Variants in ATP8B4 observed in about 807,000 individuals in gnomAD.
ATP8B4 encodes the protein ATPase phospholipid transporting 8B4 (putative).
A neutral mutation model predicts 145.6 loss-of-function variants in ATP8B4; 133 were observed. That is an observed-to-expected ratio of 0.91 (90% CI 0.79 to 1.05). The LOEUF is 1.05. Ranked by LOEUF, ATP8B4 falls within the 50% of genes least tolerant of loss-of-function variation. The pLI is 0.00. For synonymous variants in ATP8B4, 507 were observed against 492.9 expected, an observed-to-expected ratio of 1.03 and a Z score of -0.38; for missense variants, 1,458 against 1,425.2, an observed-to-expected ratio of 1.02 and a Z score of -0.37.
intron 3 of ATP8B4, among the ~76,000 whole-genome samples, chr15:50,059,005 C>T (rs2153620783): frequency 6.6e-6 from 1 of 152,060 alleles, no homozygotes. Flanking sequence ...TAAAACACAT[C>T]AATAATAATT....
chr15:50,133,307 A>T (rs963793099), intron 1 of ATP8B4, among the ~76,000 whole-genome samples: 1 of 152,170 alleles, frequency 6.6e-6, no homozygotes, highest in Admixed American at 6.5e-5. Flanking sequence ...CACTGGGCAT[A>T]GTGGCCGACA....
At chr15:49,958,749 AT>A in intron 14 of ATP8B4, among the ~76,000 whole-genome samples, 1 of 151,968 alleles carries the variant, frequency 6.6e-6, no homozygotes, top group East Asian at 1.9e-4. Context: ...TTCTAAAAAA[AT>A]ATAATTTTCC....
Position 50,047,352 on chromosome 15 carries a change from T to G in ATP8B4, c.200A>C (p.Gln67Pro), listed in dbSNP as rs1202093066. 1 of 1,529,150 alleles carries G rather than the reference T, an allele frequency of 6.5e-7. No individual in the cohort carries two copies. The highest frequency in any genetic ancestry group is 1.1e-5 in the South Asian group (1 of 89,018). The allele number at this position is 1,529,150 out of a possible 1,614,324, so 94.7% of individuals were successfully genotyped here. Residue 67 changes from glutamine (Q) to proline (P), a missense_variant and splice_region_variant, in exon 4 of 28, where the codon CAG becomes CCG. Physicochemically the swap from Gln to Pro is moderately conservative, Grantham distance 76. Transcript: ENST00000284509. Reference sequence around the variant, plus strand: ...AGAGAAATACAACCTAAATATTACCTGTAAAATCAGAAGGCAAAGAAAATA... The same window carrying G: ...AGAGAAATACAACCTAAATATTACCGGTAAAATCAGAAGGCAAAGAAAATA... ...NAYFLCLLIL[Q>P]LIPEISSLTW... is the part of the protein sequence containing the mutation.
chr15:49,979,446 A>G (rs879473713), intron 12 of ATP8B4, among the ~76,000 whole-genome samples, 171 bp downstream of exon 12: 3 of 152,228 alleles, frequency 2.0e-5, no homozygotes, highest in East Asian at 1.9e-4. Context: ...ATTTGAAAAC[A>G]TAAAAGTTAA....
chr15:49,872,288 C>T (rs1444459469), intron 25 of ATP8B4, among the ~76,000 whole-genome samples: 1 of 152,098 alleles, frequency 6.6e-6, no homozygotes, highest in South Asian at 2.1e-4. Context: ...ACCTTTGGGG[C>T]CCCTATTATA....
intron 16 of ATP8B4, among the ~76,000 whole-genome samples, chr15:49,929,082 G>C (rs890428435): frequency 6.6e-6 from 1 of 152,094 alleles, no homozygotes; most frequent in Non-Finnish European, 1.5e-5. Context: ...AGCCCTCCTG[G>C]TGACGCTGAT....
chr15:50,056,691 A>T (rs2153617546), intron 3 of ATP8B4, among the ~76,000 whole-genome samples: 1 of 145,550 alleles, frequency 6.9e-6, no homozygotes, highest in African/African-American at 2.7e-5. Flanking sequence ...ATATATGTAT[A>T]TGTATATGTG....
chr15:49,978,962 T>A (rs993852350), intron 12 of ATP8B4, among the ~76,000 whole-genome samples: 1 of 152,086 alleles, frequency 6.6e-6, no homozygotes, highest in Non-Finnish European at 1.5e-5. Flanking sequence ...ATACTTCTTA[T>A]CTTACAATGG....
chr15:50,089,672 T>C (rs1175401489), intron 2 of ATP8B4, among the ~76,000 whole-genome samples: 1 of 152,022 alleles, frequency 6.6e-6, no homozygotes, highest in Non-Finnish European at 1.5e-5. Flanking sequence ...TTTCTTTCTT[T>C]CTTTTTTTTG....
At chr15:49,965,238 G>A (rs1228409573) in intron 13 of ATP8B4, among the ~76,000 whole-genome samples, 1 of 152,146 alleles carries the variant, frequency 6.6e-6, no homozygotes, top group African/African-American at 2.4e-5. Flanking sequence ...AACCAAAGGA[G>A]GTCAAAAAGT....
intron 1 of ATP8B4, among the ~76,000 whole-genome samples, chr15:50,138,342 A>G (rs143098227): frequency 5.8e-5 from 3 of 51,828 alleles, no homozygotes; most frequent in African/African-American, 1.2e-4. Flanking sequence ...AGATAGATAG[A>G]TAGATAGATA....
intron 26 of ATP8B4, among the ~76,000 whole-genome samples, chr15:49,863,743 A>G (rs2032278236): frequency 6.6e-6 from 1 of 151,972 alleles, no homozygotes; most frequent in African/African-American, 2.4e-5. Flanking sequence ...GAAGCTTGGT[A>G]CCCTCAGGCA....
chr15:49,952,658 C>T (rs567372766), intron 14 of ATP8B4, among the ~76,000 whole-genome samples: 1 of 152,238 alleles, frequency 6.6e-6, no homozygotes, highest in Admixed American at 6.5e-5. Context: ...TTTAGCTCAT[C>T]ATAGTTTTTT....
At chr15:50,142,996 G>A (rs143363509) in intron 1 of ATP8B4, among the ~76,000 whole-genome samples, 26 of 152,338 alleles carry the variant, frequency 1.7e-4, no homozygotes, top group African/African-American at 5.8e-4. Context: ...TAAATGCTTA[G>A]CTTAGGAGAG....
chr15:49,978,129 T>C (rs1472214848), intron 12 of ATP8B4, among the ~76,000 whole-genome samples: 1 of 152,192 alleles, frequency 6.6e-6, no homozygotes, highest in Non-Finnish European at 1.5e-5. Context: ...AGAAAGAATG[T>C]ATACATAATA....
At chr15:50,057,446 G>C (rs1392664280) in intron 3 of ATP8B4, among the ~76,000 whole-genome samples, 1 of 152,146 alleles carries the variant, frequency 6.6e-6, no homozygotes, top group Non-Finnish European at 1.5e-5. Context: ...GAAGTCTCTA[G>C]ACTGCCTTTT....
At chr15:49,983,869 C>A (rs946272772) in intron 10 of ATP8B4, among the ~76,000 whole-genome samples, 5 of 152,190 alleles carry the variant, frequency 3.3e-5, no homozygotes, top group Non-Finnish European at 7.4e-5. Flanking sequence ...TTTCCTTACT[C>A]CTGCCACAGG....
intron 12 of ATP8B4, among the ~76,000 whole-genome samples, chr15:49,978,597 G>A (rs913697975): frequency 2.6e-5 from 4 of 152,110 alleles, no homozygotes; most frequent in African/African-American, 7.2e-5. Context: ...TACTGTTAAA[G>A]TACTGATGAT....
intron 3 of ATP8B4, among the ~76,000 whole-genome samples, chr15:50,048,826 G>A (rs1334982726): frequency 6.6e-6 from 1 of 152,136 alleles, no homozygotes; most frequent in Non-Finnish European, 1.5e-5. Context: ...AACAGGTATA[G>A]ATTTGACCAC....
Sources: allele counts gnomAD v4.1 joint callset (sites outside exome capture counted in the v4.1 genomes callset), GRCh38; gene constraint gnomAD v4.1.1; transcripts MANE v1.5; gene names NCBI Gene and HGNC (gene_info 2026-07-23, HGNC 2026-07-21).